The following FAM185A variants were observed in gnomAD, a reference collection of about 807,000 sequenced individuals.
FAM185A encodes the protein protein FAM185A.
A neutral mutation model predicts 45.7 loss-of-function variants in FAM185A; 21 were observed. The ratio of observed to expected loss-of-function variants is 0.46; its 90% CI spans 0.33 to 0.66. The LOEUF (loss-of-function observed/expected upper bound fraction) is 0.66, where lower values mean the gene tolerates loss of function less well. Ranked by LOEUF, FAM185A falls within the 30% of genes least tolerant of loss-of-function variation. The pLI is 0.03. For missense variants in FAM185A, 305 were observed against 485.4 expected (o/e 0.63, Z 3.49); for synonymous variants, 117 against 194.0 (o/e 0.60, Z 3.30).
intron 7 of FAM185A, 78 bp from the exon 8 acceptor site, chr7:102,808,212 A>C: frequency 1.1e-6 from 1 of 933,268 alleles, no homozygotes; most frequent in Non-Finnish European, 1.7e-6. Context: ...GGTGTTTTTC[A>C]GTTTCAGAGA....
At chr7:102,767,107 A>G (rs1479928625) in intron 4 of FAM185A, among the ~76,000 whole-genome samples, 1 of 148,694 alleles carries the variant, frequency 6.7e-6, no homozygotes, top group Admixed American at 6.7e-5. Flanking sequence ...CAACTTTTTT[A>G]TATGAAATAT....
At chr7:102,795,351 A>T (rs1369256711) in intron 7 of FAM185A, among the ~76,000 whole-genome samples, 2 of 152,200 alleles carry the variant, frequency 1.3e-5, no homozygotes, top group Non-Finnish European at 2.9e-5. Flanking sequence ...AAAATAAGTT[A>T]AAAAAGAGGG....
chr7:102,749,746 T>C, intron 1 of FAM185A, 88 bp downstream of exon 1: 1 of 1,477,342 alleles, frequency 6.8e-7, no homozygotes, highest in South Asian at 1.4e-5. Flanking sequence ...TTTTAATTGG[T>C]CCTGGCTCTC....
At chr7:102,799,432 C>T (rs527287161) in intron 7 of FAM185A, among the ~76,000 whole-genome samples, 5 of 152,192 alleles carry the variant, frequency 3.3e-5, no homozygotes, top group Admixed American at 6.5e-5. Context: ...GAATAATTTG[C>T]ATCAGAAAAG....
the FAM185A span, among the ~76,000 whole-genome samples, chr7:102,826,381 T>G: frequency 1.3e-5 from 2 of 152,026 alleles, no homozygotes; most frequent in Non-Finnish European, 2.9e-5. Context: ...GAGTCCAAGT[T>G]TTTGCCCTAG....
chr7:102,836,668 T>G, the FAM185A span, among the ~76,000 whole-genome samples: 26 of 152,248 alleles, frequency 1.7e-4, no homozygotes, highest in Admixed American at 1.2e-3. Flanking sequence ...AAAACTTCCA[T>G]ATCTCTTAGC....
chr7:102,810,892 C>T (rs964061319), downstream of FAM185A, among the ~76,000 whole-genome samples: 1 of 152,284 alleles, frequency 6.6e-6, no homozygotes, highest in African/African-American at 2.4e-5. Context: ...GCCTCCTTTT[C>T]ATTAATTTTC....
the FAM185A span, among the ~76,000 whole-genome samples, chr7:102,819,923 G>A: frequency 2.0e-5 from 3 of 152,170 alleles, no homozygotes; most frequent in Non-Finnish European, 2.9e-5. Flanking sequence ...GGAGCTGATC[G>A]CAGAAAGCTG....
At chr7:102,786,766 C>T (rs1222983892) in intron 6 of FAM185A, among the ~76,000 whole-genome samples, 2 of 151,504 alleles carry the variant, frequency 1.3e-5, no homozygotes, top group East Asian at 1.9e-4. Flanking sequence ...CAACATGGCA[C>T]ATGTATACAT....
At chr7:102,802,427 T>G (rs1796851953) in intron 7 of FAM185A, among the ~76,000 whole-genome samples, 1 of 152,180 alleles carries the variant, frequency 6.6e-6, no homozygotes, top group African/African-American at 2.4e-5. Context: ...TTAAATAATC[T>G]GCACCTGAAT....
intron 2 of FAM185A, 108 bp from the exon 3 acceptor site, chr7:102,757,746 C>G: frequency 7.8e-7 from 1 of 1,286,216 alleles, no homozygotes. Flanking sequence ...CCTTATTGTT[C>G]TTTTGTTGCT....
intron 4 of FAM185A, among the ~76,000 whole-genome samples, chr7:102,763,629 C>T (rs907457900): frequency 2.0e-5 from 3 of 152,120 alleles, no homozygotes; most frequent in African/African-American, 7.2e-5. Context: ...ATGCAAGCTG[C>T]CCCAGGAAGG....
At chr7:102,837,509 G>A in the FAM185A span, among the ~76,000 whole-genome samples, 27,536 of 152,214 alleles carry the variant, frequency 0.18, 2,799 homozygotes, top group East Asian at 0.43. Context: ...TTATTCTACA[G>A]TCTTCCCCAA....
At chr7:102,834,512 A>G in the FAM185A span, 1 of 149,716 alleles carries the variant, frequency 6.7e-6, no homozygotes, top group South Asian at 2.1e-4. Context: ...TTCTCTAGCT[A>G]TCTCTAAGAT....
chr7:102,805,391 G>A (rs1797049825), intron 7 of FAM185A, among the ~76,000 whole-genome samples: 1 of 152,170 alleles, frequency 6.6e-6, no homozygotes, highest in Admixed American at 6.5e-5. Flanking sequence ...TGACCTGAAT[G>A]AGACTGGAGA....
rs996240140 is a variant in FAM185A at position 102,762,771 on chromosome 7, A to T, written c.793+1360A>T. ...AGCATTCTTGCAAGGTTAAAGTATT[A>T]TTTGAGCCCAAAATAGCTTAAGTAC... On this transcript the variant is annotated intron_variant, in intron 4 of 7. Coordinates refer to ENST00000413034, the MANE Select transcript of FAM185A (RefSeq NM_001145268.2). 1.1e-4 allele frequency among the ~76,000 whole-genome samples: 17 copies of T among 151,274 alleles called. No individual in the cohort carries two copies. The Admixed American group carries it at 1.1e-3, about 10-fold the overall frequency.
the FAM185A span, among the ~76,000 whole-genome samples, chr7:102,821,016 TATAA>T: frequency 6.6e-6 from 1 of 152,358 alleles, no homozygotes; most frequent in East Asian, 1.9e-4. Flanking sequence ...TATTACCTCT[TATAA>T]ATAGTGATTG....
At chr7:102,814,887 T>C in the FAM185A span, among the ~76,000 whole-genome samples, 3 of 152,244 alleles carry the variant, frequency 2.0e-5, no homozygotes, top group Non-Finnish European at 4.4e-5. Context: ...ATCCTCAAAG[T>C]AGAACATTAC....
intron 7 of FAM185A, 52 bp downstream of exon 7, chr7:102,787,521 A>T: frequency 3.7e-6 from 5 of 1,357,702 alleles, no homozygotes; most frequent in Non-Finnish European, 4.8e-6. Flanking sequence ...CTCCATACAT[A>T]AGTAGAAATG....
Sources: gnomAD v4.1 joint callset for allele counts (sites outside exome capture counted in the v4.1 genomes callset) on GRCh38, gnomAD v4.1.1 for gene constraint, MANE v1.5 for transcripts, NCBI Gene and HGNC (gene_info 2026-07-23, HGNC 2026-07-21) for gene names.